AUTS2: variants seen among roughly 807,000 people sequenced by gnomAD.
The protein encoded by AUTS2 is activator of transcription and developmental regulator AUTS2.
In AUTS2, 17 loss-of-function variants were observed where a neutral mutation model predicts 112.4. The observed-to-expected ratio is 0.15, with a 90% CI of 0.10 to 0.23. AUTS2 has a LOEUF of 0.23. Ranked by LOEUF, AUTS2 falls within the 10% of genes least tolerant of loss-of-function variation. AUTS2 has a pLI of 1.00. For missense variants in AUTS2, 1,510 were observed against 1,701.6 expected, an observed-to-expected ratio of 0.89 and a Z score of 1.98; for synonymous variants, 751 against 702.7, an observed-to-expected ratio of 1.07 and a Z score of -1.09.
intron 4 of AUTS2, among the ~76,000 whole-genome samples, chr7:70,206,582 A>G (rs1472882016): frequency 1.3e-5 from 2 of 152,152 alleles, no homozygotes; most frequent in Non-Finnish European, 2.9e-5. Flanking sequence ...CCTTCCTGCC[A>G]CCCACCTACA....
chr7:70,528,072 G>A (rs1799918422), intron 5 of AUTS2, among the ~76,000 whole-genome samples: 1 of 144,806 alleles, frequency 6.9e-6, no homozygotes, highest in Admixed American at 6.9e-5. Flanking sequence ...AAAGAGACTT[G>A]AAGTTCACTT....
chr7:70,685,731 C>T (rs770871803), intron 5 of AUTS2, among the ~76,000 whole-genome samples: 9 of 152,060 alleles, frequency 5.9e-5, no homozygotes, highest in Non-Finnish European at 1.2e-4. Context: ...GAAAAAACTG[C>T]GGAGAGCTCA....
At chr7:70,557,066 G>A (rs1248942686) in intron 5 of AUTS2, among the ~76,000 whole-genome samples, 1 of 152,154 alleles carries the variant, frequency 6.6e-6, no homozygotes, top group East Asian at 1.9e-4. Flanking sequence ...TTAAGTCAAG[G>A]ACTGTGCTTT....
chr7:70,103,579 G>A (rs1357447023), intron 2 of AUTS2, among the ~76,000 whole-genome samples: 1 of 151,992 alleles, frequency 6.6e-6, no homozygotes, highest in Admixed American at 6.6e-5. Flanking sequence ...ATTTACGTGA[G>A]GATTAAATCA....
chr7:70,774,469 A>T, intron 12 of AUTS2: 1 of 202,032 alleles, frequency 4.9e-6, no homozygotes, highest in Non-Finnish European at 1.0e-5. Context: ...GAAAAGCACT[A>T]AGGCGCTTTT....
intron 1 of AUTS2, among the ~76,000 whole-genome samples, chr7:69,649,923 A>G (rs191304438): frequency 6.6e-6 from 1 of 152,286 alleles, no homozygotes; most frequent in East Asian, 1.9e-4. Context: ...TAAGAAATAT[A>G]CCATGAAGTC....
At chr7:69,628,954 CTT>C (rs1794094210) in intron 1 of AUTS2, among the ~76,000 whole-genome samples, 2 of 152,178 alleles carry the variant, frequency 1.3e-5, no homozygotes, top group African/African-American at 4.8e-5. Flanking sequence ...GATCTAAGGT[CTT>C]TATTGCATTT....
intron 1 of AUTS2, among the ~76,000 whole-genome samples, chr7:69,890,256 A>G (rs1286080087): frequency 2.6e-5 from 4 of 152,158 alleles, no homozygotes; most frequent in Non-Finnish European, 5.9e-5. Context: ...AGAGTGTGCA[A>G]AAATCTCACT....
chr7:70,290,210 G>C (rs527397372), intron 4 of AUTS2, among the ~76,000 whole-genome samples: 1 of 152,192 alleles, frequency 6.6e-6, no homozygotes, highest in Admixed American at 6.5e-5. Context: ...TGTTATAAAT[G>C]ATCATAAGCT....
At position 70,789,740 on chromosome 7, in the gene AUTS2, T is replaced by C. The variant is rs767665064; in HGVS notation, c.2532-8T>C. 10 of 1,605,230 alleles carry C rather than the reference T, an allele frequency of 6.2e-6. No individual in the cohort carries two copies. Among genetic ancestry groups the C allele is most frequent in the South Asian group, 2.2e-5 (2 of 90,254 alleles). ...ATCTGCGTCCTTGTCTTCCCCTCTC[T>C]CCCCCAGGGAAAGCGTCGAGAAGAG... On this transcript the variant is annotated splice_polypyrimidine_tract_variant and splice_region_variant and intron_variant, in intron 18 of 18. Coordinates refer to ENST00000342771, the MANE Select transcript of AUTS2 (RefSeq NM_015570.4).
At chr7:69,886,488 A>T (rs112940028) in intron 1 of AUTS2, among the ~76,000 whole-genome samples, 1 of 152,240 alleles carries the variant, frequency 6.6e-6, no homozygotes, top group Admixed American at 6.5e-5. Context: ...ATTCAGAGCC[A>T]CATAACACAA....
intron 5 of AUTS2, among the ~76,000 whole-genome samples, chr7:70,567,729 A>G (rs1462687684): frequency 6.6e-6 from 1 of 152,196 alleles, no homozygotes; most frequent in Admixed American, 6.5e-5. Flanking sequence ...TTGAGGGTTC[A>G]TCAACTCATT....
At chr7:70,657,583 G>T (rs1806838103) in intron 5 of AUTS2, among the ~76,000 whole-genome samples, 1 of 152,222 alleles carries the variant, frequency 6.6e-6, no homozygotes. Context: ...GATGTGAGTT[G>T]CTCTGTTAGC....
chr7:70,097,990 G>A (rs577904024), intron 2 of AUTS2, among the ~76,000 whole-genome samples: 36 of 152,256 alleles, frequency 2.4e-4, no homozygotes, highest in African/African-American at 7.9e-4. Flanking sequence ...TAAATAATAC[G>A]TAGAATCAGC....
chr7:69,811,220 G>C (rs1790530009), intron 1 of AUTS2, among the ~76,000 whole-genome samples: 1 of 152,088 alleles, frequency 6.6e-6, no homozygotes. Flanking sequence ...GAATCAGGAA[G>C]CATAGTTTGA....
At chr7:70,445,589 G>A (rs1402642290) in intron 5 of AUTS2, among the ~76,000 whole-genome samples, 1 of 152,158 alleles carries the variant, frequency 6.6e-6, no homozygotes, top group African/African-American at 2.4e-5. Flanking sequence ...AGTTATCCAA[G>A]GTGAGAAGGG....
chr7:70,450,170 A>C (rs909368885), intron 5 of AUTS2, among the ~76,000 whole-genome samples: 3 of 152,210 alleles, frequency 2.0e-5, no homozygotes, highest in Non-Finnish European at 4.4e-5. Flanking sequence ...CCTCACTTGT[A>C]TGCTAAGCCA....
chr7:70,084,649 T>A (rs1803497613), intron 2 of AUTS2, among the ~76,000 whole-genome samples: 2 of 152,252 alleles, frequency 1.3e-5, no homozygotes, highest in African/African-American at 4.8e-5. Flanking sequence ...GAGCACCTTT[T>A]CATGTGTGAT....
At chr7:70,247,860 A>G (rs974649609) in intron 4 of AUTS2, among the ~76,000 whole-genome samples, 1 of 152,050 alleles carries the variant, frequency 6.6e-6, no homozygotes. Flanking sequence ...TAAATATGGT[A>G]TTTTGTTTTG....
Sources: gnomAD v4.1 joint callset for allele counts (sites outside exome capture counted in the v4.1 genomes callset) on GRCh38, gnomAD v4.1.1 for gene constraint, MANE v1.5 for transcripts, NCBI Gene and HGNC (gene_info 2026-07-23, HGNC 2026-07-21) for gene names.